The following VPS13D variants were observed in gnomAD, a reference collection of about 807,000 sequenced individuals.
VPS13D encodes vacuolar protein sorting 13 homolog D.
In VPS13D, 187 loss-of-function variants were observed where a neutral mutation model predicts 461.9. That is an observed-to-expected ratio of 0.40 (90% confidence interval 0.36 to 0.46). The LOEUF (loss-of-function observed/expected upper bound fraction) is 0.46. VPS13D is among the 20% of genes least tolerant of loss of function. VPS13D has a pLI of 0.60. For missense variants in VPS13D, 4,711 were observed against 5,364.9 expected (o/e 0.88, Z 3.81); for synonymous variants, 1,951 against 1,986.3 (o/e 0.98, Z 0.47).
intron 65 of VPS13D, among the ~76,000 whole-genome samples, chr1:12,432,685 T>C (rs908544119): frequency 1.3e-5 from 2 of 151,868 alleles, no homozygotes. Flanking sequence ...AACCTCTGCT[T>C]CTTGGGTTCA....
chr1:12,483,374 T>C (rs1037588126), intron 67 of VPS13D, among the ~76,000 whole-genome samples: 2 of 152,256 alleles, frequency 1.3e-5, no homozygotes, highest in African/African-American at 2.4e-5. Context: ...GAAACATCTT[T>C]TCGTGTTTCA....
chr1:12,252,542 C>T (rs539416820), intron 6 of VPS13D, among the ~76,000 whole-genome samples: 1 of 152,026 alleles, frequency 6.6e-6, no homozygotes, highest in Admixed American at 6.6e-5. Flanking sequence ...GAGGCCGAGG[C>T]GGGCAGATCG....
chr1:12,455,936 T>A, intron 65 of VPS13D, 62 bp from the exon 66 acceptor site: 4 of 1,528,794 alleles, frequency 2.6e-6, no homozygotes, highest in Non-Finnish European at 3.5e-6. Flanking sequence ...TTTAAAGTAA[T>A]TCAAATAGTA....
At chr1:12,240,142 T>C (rs753348605) in intron 2 of VPS13D, among the ~76,000 whole-genome samples, 3 of 152,114 alleles carry the variant, frequency 2.0e-5, no homozygotes, top group African/African-American at 4.8e-5. Context: ...TTACATTCTC[T>C]CTCTCCTTTC....
chr1:12,242,547 A>G lies in VPS13D; in HGVS notation c.132A>G (p.Lys44=). 1 of 1,614,210 alleles carries G rather than the reference A, an allele frequency of 6.2e-7. No homozygotes were observed. The highest frequency in any genetic ancestry group is 8.5e-7 in the Non-Finnish European group (1 of 1,180,030). ...AATTAGAAAACTTGCCATTAAAGAA[A>G]GATGCCTTGAAAGAATTGGAATTAC... ...AVELENLPLK[K]DALKELELPF... The change falls in exon 3 of 70, where the codon AAA becomes AAG. Residue 44 remains lysine (K), a synonymous_variant. Coordinates refer to ENST00000620676, the MANE Select transcript of VPS13D (RefSeq NM_015378.4).
At chr1:12,470,695 A>C (rs1014600310) in intron 67 of VPS13D, among the ~76,000 whole-genome samples, 4 of 152,230 alleles carry the variant, frequency 2.6e-5, no homozygotes, top group African/African-American at 4.8e-5. Flanking sequence ...GTGTGTTAAT[A>C]TTCTTAAGCC....
Position 12,276,027 on chromosome 1 carries a change from GT to G in VPS13D, c.2440del (p.Tyr814MetfsTer18). 6.2e-7 allele frequency: 1 copy of G among 1,614,104 alleles called. No homozygotes were observed. The highest frequency in any genetic ancestry group is 8.5e-7 in the Non-Finnish European group (1 of 1,180,036). On this transcript the variant is annotated frameshift_variant, in exon 19 of 70. Transcript: ENST00000620676. LOFTEE classifies it high-confidence loss of function. This position sits in a 1 kb window ranked among gnomAD's most constrained non-coding sequence, Gnocchi z 4.5. ...LQAHLMSTKM[Y>X]ERYSLSFMDL... ...AAGCACATTTAATGAGCACAAAGAT[GT>G]ATGAGAGGTACTCGCTGTCATTTAT...
Position 12,249,211 on chromosome 1 carries a change from T to C in VPS13D, c.448-12T>C. On this transcript the variant is annotated splice_polypyrimidine_tract_variant and intron_variant, in intron 5 of 69. Transcript: ENST00000620676. Reference sequence around the variant, plus strand: ...AGGTGCATCAGCTGCTTTTTCTTTTTTCTCTTTGCAGTTAAAAATTCAAGA... The same window carrying C: ...AGGTGCATCAGCTGCTTTTTCTTTTCTCTCTTTGCAGTTAAAAATTCAAGA... 6.2e-7 allele frequency: 1 copy of C among 1,602,674 alleles called. No individual in the cohort carries two copies.
intron 65 of VPS13D, among the ~76,000 whole-genome samples, chr1:12,438,784 T>C (rs1645093224): frequency 6.6e-6 from 1 of 152,226 alleles, no homozygotes; most frequent in Non-Finnish European, 1.5e-5. Context: ...AATTTTGACA[T>C]GTAAAGAAGA....
intron 65 of VPS13D, among the ~76,000 whole-genome samples, chr1:12,452,769 C>A (rs577896002): frequency 2.6e-5 from 4 of 152,196 alleles, no homozygotes; most frequent in African/African-American, 9.6e-5. Context: ...ATTAACTACT[C>A]ATCAATACAG....
At chr1:12,440,769 G>A (rs1281942214) in intron 65 of VPS13D, among the ~76,000 whole-genome samples, 6 of 150,928 alleles carry the variant, frequency 4.0e-5, no homozygotes, top group African/African-American at 9.9e-5. Context: ...CTGGCTACTC[G>A]GGAGGCTGAG....
intron 30 of VPS13D, 81 bp downstream of exon 30, chr1:12,314,408 C>A: frequency 7.2e-7 from 1 of 1,388,968 alleles, no homozygotes; most frequent in South Asian, 1.3e-5. Flanking sequence ...TTTAGAACAT[C>A]AAAAAACCAA....
intron 63 of VPS13D, 98 bp downstream of exon 63, chr1:12,404,071 T>TGC: frequency 8.1e-6 from 6 of 739,146 alleles, no homozygotes; most frequent in Admixed American, 4.3e-5. Flanking sequence ...GTGTGTGTGC[T>TGC]TTTTTTTTTG....
At chr1:12,330,996 A>G (rs957062715) in intron 37 of VPS13D, among the ~76,000 whole-genome samples, 1 of 152,260 alleles carries the variant, frequency 6.6e-6, no homozygotes, top group Non-Finnish European at 1.5e-5. Context: ...AAACAAACGA[A>G]AAACCACTGC....
intron 1 of VPS13D, among the ~76,000 whole-genome samples, chr1:12,233,733 A>G (rs1033854784): frequency 6.6e-6 from 1 of 152,188 alleles, no homozygotes; most frequent in Non-Finnish European, 1.5e-5. Flanking sequence ...GACATCTTAC[A>G]GAGCTTCTTG....
intron 35 of VPS13D, among the ~76,000 whole-genome samples, chr1:12,325,292 C>G (rs181835499): frequency 1.5e-3 from 222 of 152,086 alleles, no homozygotes; most frequent in Admixed American, 2.4e-3. Flanking sequence ...CAGAGTCTCG[C>G]TCTCTTGCCC....
At position 12,508,812 on chromosome 1, in the gene VPS13D, T is replaced by C. The variant is rs199584562; in HGVS notation, c.13036-81T>C. On this transcript the variant is annotated intron_variant, in intron 69 of 69. Transcript: ENST00000620676. ...ATCCCATCCTGAGATGCAGCTGGGC[T>C]GGGAGCCGCCACCTGGGTGGATCTG... 8.0e-5 allele frequency: 121 copies of C among 1,508,268 alleles called. No individual in the cohort carries two copies. In the East Asian group the frequency reaches 2.7e-3, roughly 34 times the overall value. 93.4% of individuals were successfully genotyped at this position (1,508,268 alleles called of 1,614,324 possible).
intron 65 of VPS13D, among the ~76,000 whole-genome samples, chr1:12,447,950 G>A (rs1432491379): frequency 1.3e-5 from 2 of 152,326 alleles, no homozygotes; most frequent in Admixed American, 6.5e-5. Flanking sequence ...AGTTTAGGAT[G>A]AGACATGCAA....
At chr1:12,457,680 TG>T (rs1233326628) in intron 66 of VPS13D, among the ~76,000 whole-genome samples, 22 of 152,384 alleles carry the variant, frequency 1.4e-4, no homozygotes, top group Middle Eastern at 3.4e-3. Flanking sequence ...TATTTCTATT[TG>T]TGCTTAGGAC....
Sources: allele counts gnomAD v4.1 joint callset (sites outside exome capture counted in the v4.1 genomes callset), GRCh38; gene constraint gnomAD v4.1.1; non-coding constraint Gnocchi (gnomAD v3.1); transcripts MANE v1.5; gene names NCBI Gene and HGNC (gene_info 2026-07-23, HGNC 2026-07-21).